MATN4: variants seen among roughly 807,000 people sequenced by gnomAD.
MATN4 encodes the protein matrilin-4.
Under a neutral mutation model 54.6 loss-of-function variants are expected in MATN4, and 40 were observed. The ratio of observed to expected loss-of-function variants is 0.73; its 90% confidence interval spans 0.57 to 0.95. The LOEUF (loss-of-function observed/expected upper bound fraction) is 0.95. Ranked by LOEUF, MATN4 falls within the 40% of genes least tolerant of loss-of-function variation. MATN4 has a pLI of 0.00. For missense variants in MATN4, 810 were observed against 819.1 expected (o/e 0.99, Z 0.13); for synonymous variants, 351 against 345.3 (o/e 1.02, Z -0.18).
intron 8 of MATN4, 80 bp downstream of exon 8, chr20:45,297,838 G>T (rs1985940540): frequency 3.2e-6 from 5 of 1,541,940 alleles, no homozygotes; most frequent in Non-Finnish European, 2.7e-6. Flanking sequence ...CTACAAAGTG[G>T]GCAGGGAGTG....
In MATN4 at chr20:45,294,017, T is replaced by A. The variant is rs374614690; in HGVS notation, c.1580-2A>T. ...CTGTCCCTGCGCTGATGCCCTCCTC[T>A]GCAAGCCGGACACAGAGGGTCAGGG... On this transcript the variant is annotated splice_acceptor_variant, in intron 8 of 9. Coordinates refer to ENST00000372756, the MANE Select transcript of MATN4 (RefSeq NM_001393530.1). LOFTEE classifies it high-confidence loss of function. 1 of 1,599,688 alleles carries A rather than the reference T, an allele frequency of 6.3e-7. No individual in the cohort carries two copies. Among genetic ancestry groups the A allele is most frequent in the East Asian group, 2.2e-5 (1 of 44,828 alleles).
At chr20:45,295,060 A>C (rs1985725943) in intron 8 of MATN4, among the ~76,000 whole-genome samples, 1 of 152,194 alleles carries the variant, frequency 6.6e-6, no homozygotes, top group South Asian at 2.1e-4. Flanking sequence ...CACTGATTAT[A>C]CATTATGGTG....
intron 6 of MATN4, among the ~76,000 whole-genome samples, chr20:45,299,721 T>C (rs139380655): frequency 6.6e-6 from 1 of 151,236 alleles, no homozygotes; most frequent in East Asian, 1.9e-4. Context: ...CCACTAAAAA[T>C]ACAAAAATTA....
At position 45,293,663 on chromosome 20, in the gene MATN4, G is replaced by T; in HGVS notation, c.*104C>A. ...CAGCGCCTCCGCCCCGACAGCCCAA[G>T]CCGGACGGGCCCAGGTTCTGCCTGG... On this transcript the variant is annotated 3_prime_UTR_variant, in exon 10 of 10. Coordinates refer to ENST00000372756, the MANE Select transcript of MATN4 (RefSeq NM_001393530.1). The T allele has an allele frequency of 8.9e-7, 1 of 1,129,006 alleles. No homozygotes were observed. The highest frequency in any genetic ancestry group is 1.2e-6 in the Non-Finnish European group (1 of 828,692). 69.9% of individuals were successfully genotyped at this position (1,129,006 alleles called of 1,614,324 possible).
rs762224668 is a variant in MATN4 at position 45,298,393 on chromosome 20, G to A, written c.1203C>T (p.Arg401=). ...SRVRTEFPLG[R]YGTAAEVKQA... ...GCTTCACCTCGGCTGCGGTGCCGTA[G>A]CGACCCAGAGGGAACTCGGTGCGCA... The change falls in exon 7 of 10, where the codon CGC becomes CGT. Residue 401 remains arginine (R), a synonymous_variant. Coordinates refer to ENST00000372756, the MANE Select transcript of MATN4 (RefSeq NM_001393530.1). The surrounding 1 kb of genome is among the most constrained non-coding windows in gnomAD (Gnocchi z 4.6). The A allele has an allele frequency of 1.1e-5, 18 of 1,612,488 alleles. No homozygotes were observed. Among genetic ancestry groups the A allele is most frequent in the Admixed American group, 3.3e-5 (2 of 59,910 alleles).
intron 8 of MATN4, among the ~76,000 whole-genome samples, chr20:45,296,982 C>G (rs1313542907): frequency 6.6e-6 from 1 of 151,770 alleles, no homozygotes; most frequent in Non-Finnish European, 1.5e-5. Flanking sequence ...CAGTGCCCAC[C>G]ACCTTGCCCA....
chr20:45,299,250 G>T (rs1409815726), intron 6 of MATN4, among the ~76,000 whole-genome samples: 1 of 152,152 alleles, frequency 6.6e-6, no homozygotes, highest in Non-Finnish European at 1.5e-5. Context: ...GGTTTTCAAA[G>T]GTTTTGAAAT....
Position 45,298,553 on chromosome 20 carries a change from A to C in MATN4, c.1043T>G (p.Leu348Arg), listed in dbSNP as rs769882410. Residue 348 changes from leucine to arginine, a missense_variant, in exon 7 of 10, where the codon CTG (leucine) becomes CGG (arginine). Coordinates refer to ENST00000372756, the MANE Select transcript of MATN4 (RefSeq NM_001393530.1). The surrounding 1 kb of genome is among the most constrained non-coding windows in gnomAD (Gnocchi z 4.6). The stretch of plus-strand genomic sequence containing the variant: ...CACGCTCTTGGAGCCATCAACCAGC[A>C]GAACAAGGTCCACGTGGCCTTCCCG... ...RCREGHVDLV[L>R]LVDGSKSVRP... 39 of 1,583,254 alleles carry C rather than the reference A, an allele frequency of 2.5e-5. No individual in the cohort carries two copies. Among genetic ancestry groups the C allele is most frequent in the Non-Finnish European group, 3.3e-5 (38 of 1,159,834 alleles).
At chr20:45,294,287 T>TGC (rs1985676381) in intron 8 of MATN4, among the ~76,000 whole-genome samples, 1 of 152,304 alleles carries the variant, frequency 6.6e-6, no homozygotes, top group South Asian at 2.1e-4. Flanking sequence ...TGTGTGTGTG[T>TGC]GCTCACGCAC....
At chr20:45,293,854 C>T (rs534094571) in intron 9 of MATN4, 29 bp from the exon 10 acceptor site, 4 of 1,609,528 alleles carry the variant, frequency 2.5e-6, no homozygotes, top group Admixed American at 1.7e-5. Context: ...CGTTGGGGTT[C>T]GCCGAGGTCC....
At chr20:45,307,009 A>T (rs1010141694) in intron 1 of MATN4, 1 of 603,202 alleles carries the variant, frequency 1.7e-6, no homozygotes. Context: ...CCACCCCCCC[A>T]CCCCCTCCCC....
intron 3 of MATN4, chr20:45,303,549 T>C (rs1212147211): frequency 1.5e-6 from 1 of 680,540 alleles, no homozygotes; most frequent in Admixed American, 2.0e-5. Context: ...AGGGAACAGA[T>C]GGGCAGAAGC....
intron 8 of MATN4, 93 bp from the exon 9 acceptor site, chr20:45,294,108 G>A (rs1433305073): frequency 2.1e-5 from 21 of 989,624 alleles, no homozygotes; most frequent in Non-Finnish European, 2.6e-5. Flanking sequence ...TTGAGTATAT[G>A]GGCTTTGGAT....
rs774209800 is a variant in MATN4 at position 45,301,006 on chromosome 20, C to T, written c.893G>A (p.Arg298Gln). 27 of 1,613,892 alleles carry T rather than the reference C, an allele frequency of 1.7e-5. No homozygotes were observed. Among genetic ancestry groups the T allele is most frequent in the African/African-American group, 6.7e-5 (5 of 74,918 alleles). ...LQPDGRSCQVRDLCNGVDHGC... is the reference protein window; with the variant it reads ...LQPDGRSCQVQDLCNGVDHGC... ...ATGGTCCACGCCATTGCAAAGGTCC[C>T]GGACTGAAAGGAGAGACAGGTCAGG... The change falls in exon 6 of 10, where the codon CGG becomes CAG. Residue 298 changes from arginine to glutamine, a missense_variant. By Grantham distance (43) the Arg-to-Gln change is conservative. Coordinates refer to ENST00000372756, the MANE Select transcript of MATN4 (RefSeq NM_001393530.1).
chr20:45,302,313 C>T (rs930598299), intron 3 of MATN4, among the ~76,000 whole-genome samples: 1 of 151,868 alleles, frequency 6.6e-6, no homozygotes, highest in African/African-American at 2.4e-5. Flanking sequence ...ACAAGAAGAC[C>T]CCAGCTGACA....
In MATN4 at chr20:45,304,665, T is replaced by G; in HGVS notation, c.206A>C (p.Asn69Thr). 6.2e-7 allele frequency: 1 copy of G among 1,612,750 alleles called. No individual in the cohort carries two copies. The highest frequency in any genetic ancestry group is 8.5e-7 in the Non-Finnish European group (1 of 1,179,286). ...GLLRGLNVGP[N>T]ATRVGVIQYS... ...CTGGATCACGCCAACGCGCGTGGCGTTGGGACCCACGTTCAGGCCTCGGAG... is the reference window on the plus strand; with the variant it reads ...CTGGATCACGCCAACGCGCGTGGCGGTGGGACCCACGTTCAGGCCTCGGAG... Residue 69 changes from asparagine (N) to threonine (T), a missense_variant, in exon 3 of 10, where the codon AAC (asparagine) becomes ACC (threonine). Physicochemically the swap from Asn to Thr is moderately conservative, Grantham distance 65. Coordinates refer to ENST00000372756, the MANE Select transcript of MATN4 (RefSeq NM_001393530.1).
At chr20:45,297,376 C>T (rs1005203785) in intron 8 of MATN4, among the ~76,000 whole-genome samples, 3 of 151,820 alleles carry the variant, frequency 2.0e-5, no homozygotes, top group African/African-American at 7.3e-5. Context: ...TCTCTTTTTC[C>T]TCAGCTGAGC....
At position 45,305,537 on chromosome 20, in the gene MATN4, G is replaced by C. The variant is rs762660936; in HGVS notation, c.46C>G (p.Pro16Ala). The change falls in exon 2 of 10, where the codon CCC (proline) becomes GCC (alanine). Residue 16 changes from proline to alanine, a missense_variant. Transcript: ENST00000372756. ...CWPVLLLLLQ[P>A]WETQLQLTGP... ...GTCAACTGGAGCTGGGTTTCCCAGGGCTGAAGAAGGAGCAGCAACACGGGC... is the reference window on the plus strand; with the variant it reads ...GTCAACTGGAGCTGGGTTTCCCAGGCCTGAAGAAGGAGCAGCAACACGGGC... 1.9e-6 allele frequency: 3 copies of C among 1,557,872 alleles called. No individual in the cohort carries two copies. Among genetic ancestry groups the C allele is most frequent in the Non-Finnish European group, 2.6e-6 (3 of 1,150,670 alleles).
intron 8 of MATN4, among the ~76,000 whole-genome samples, chr20:45,296,930 A>G (rs1985875834): frequency 6.6e-6 from 1 of 151,892 alleles, no homozygotes; most frequent in African/African-American, 2.4e-5. Context: ...ATCTCGGCTC[A>G]CTGCAACCTC....
Sources: allele counts gnomAD v4.1 joint callset (sites outside exome capture counted in the v4.1 genomes callset), GRCh38; gene constraint gnomAD v4.1.1; non-coding constraint Gnocchi (gnomAD v3.1); transcripts MANE v1.5; gene names NCBI Gene and HGNC (gene_info 2026-07-23, HGNC 2026-07-21).